The following MRS2 variants were observed in gnomAD, a reference collection of about 807,000 sequenced individuals.
MRS2 encodes magnesium transporter MRS2 homolog, mitochondrial.
In MRS2, 40 loss-of-function variants were observed where a neutral mutation model predicts 52.6. The ratio of observed to expected loss-of-function variants is 0.76; its 90% CI spans 0.59 to 0.99. The LOEUF (loss-of-function observed/expected upper bound fraction) is 0.99. MRS2 is among the 50% of genes least tolerant of loss of function. The pLI is 0.00. For missense variants in MRS2, 472 were observed against 532.7 expected, an observed-to-expected ratio of 0.89 and a Z score of 1.12; for synonymous variants, 193 against 195.9, an observed-to-expected ratio of 0.98 and a Z score of 0.13.
intron 2 of MRS2, among the ~76,000 whole-genome samples, chr6:24,406,926 C>A (rs114152274): frequency 9.6e-4 from 146 of 152,052 alleles, no homozygotes; most frequent in African/African-American, 3.4e-3. Flanking sequence ...AGAAAGTGAG[C>A]TGGTTACAAA....
chr6:24,418,252 A>G lies in MRS2; in HGVS notation c.989+16A>G, dbSNP rs756723720. On this transcript the variant is annotated intron_variant, in intron 8 of 10. Coordinates refer to ENST00000378386, the MANE Select transcript of MRS2 (RefSeq NM_020662.4). ...ATCTGGACAGGTAAGAAAGCATTATATAAAACTAAGTTTTTTTAATAAAAT... is the reference window on the plus strand; with the variant it reads ...ATCTGGACAGGTAAGAAAGCATTATGTAAAACTAAGTTTTTTTAATAAAAT... 6.4e-7 allele frequency: 1 copy of G among 1,551,762 alleles called. No individual in the cohort carries two copies. Among genetic ancestry groups the G allele is most frequent in the South Asian group, 1.2e-5 (1 of 80,304 alleles).
intron 4 of MRS2, chr6:24,410,677 A>G: frequency 7.3e-7 from 1 of 1,370,830 alleles, no homozygotes; most frequent in African/African-American, 1.5e-5. Flanking sequence ...AGTAAATAAA[A>G]AATACTTTAT....
At chr6:24,413,797 C>T (rs1190080419) in intron 5 of MRS2, among the ~76,000 whole-genome samples, 3 of 152,206 alleles carry the variant, frequency 2.0e-5, no homozygotes, top group Non-Finnish European at 4.4e-5. Flanking sequence ...CTGTAATTTA[C>T]GTCATCAGTT....
intron 7 of MRS2, among the ~76,000 whole-genome samples, chr6:24,417,238 T>C (rs956315277): frequency 6.6e-6 from 1 of 152,248 alleles, no homozygotes; most frequent in African/African-American, 2.4e-5. Context: ...TCTGTCAATC[T>C]GTCTCTAATA....
intron 2 of MRS2, among the ~76,000 whole-genome samples, chr6:24,406,121 A>T (rs984079232): frequency 3.4e-5 from 5 of 148,454 alleles, no homozygotes; most frequent in Admixed American, 2.0e-4. Context: ...AAAAAAAAAA[A>T]GGTGTGCCTA....
At chr6:24,419,841 C>T (rs1409835222) in intron 9 of MRS2, among the ~76,000 whole-genome samples, 1 of 152,152 alleles carries the variant, frequency 6.6e-6, no homozygotes, top group Non-Finnish European at 1.5e-5. Flanking sequence ...CCTTGCATAT[C>T]TGCAGATACA....
At chr6:24,412,512 A>C in intron 5 of MRS2, 117 bp downstream of exon 5, 1 of 695,660 alleles carries the variant, frequency 1.4e-6, no homozygotes, top group Non-Finnish European at 2.3e-6. Flanking sequence ...TCCTGCCCCG[A>C]AACAAGTCGT....
At chr6:24,403,391 C>T (rs777323163) in intron 1 of MRS2, among the ~76,000 whole-genome samples, 155 bp downstream of exon 1, 1 of 152,186 alleles carries the variant, frequency 6.6e-6, no homozygotes, top group Admixed American at 6.5e-5. Flanking sequence ...GCCCGCGGGC[C>T]GAGCTGCGTC....
chr6:24,402,966 G>A lies in MRS2; in HGVS notation c.-81G>A. On this transcript the variant is annotated 5_prime_UTR_variant, in exon 1 of 11. Coordinates refer to ENST00000378386, the MANE Select transcript of MRS2 (RefSeq NM_020662.4). ...GTCTGCAGGTCGGGCGGTAGCGACAGGTCAGAGCTGCGGCCTGAGCAGCCA... is the reference window on the plus strand; with the variant it reads ...GTCTGCAGGTCGGGCGGTAGCGACAAGTCAGAGCTGCGGCCTGAGCAGCCA... 7.4e-7 allele frequency: 1 copy of A among 1,356,728 alleles called. No homozygotes were observed. The highest frequency in any genetic ancestry group is 1.4e-5 in the South Asian group (1 of 70,722). 84.0% of individuals were successfully genotyped at this position (1,356,728 alleles called of 1,614,324 possible). A position where few individuals can be genotyped will look rare whatever the true frequency, so the allele number is the denominator to read the frequency against.
intron 9 of MRS2, among the ~76,000 whole-genome samples, chr6:24,422,481 C>T (rs1009204085): frequency 1.3e-5 from 2 of 152,076 alleles, no homozygotes; most frequent in African/African-American, 4.8e-5. Flanking sequence ...TTCACAGTAT[C>T]GGAAGACAAA....
intron 3 of MRS2, among the ~76,000 whole-genome samples, chr6:24,408,853 G>C (rs990510751): frequency 4.6e-5 from 7 of 152,110 alleles, no homozygotes; most frequent in African/African-American, 1.7e-4. Flanking sequence ...GGTGACAAAA[G>C]ATGAACAGGG....
intron 7 of MRS2, among the ~76,000 whole-genome samples, 187 bp downstream of exon 7, chr6:24,416,700 T>C (rs1166138470): frequency 6.6e-6 from 1 of 152,208 alleles, no homozygotes; most frequent in Non-Finnish European, 1.5e-5. Context: ...TCTATGAGTA[T>C]GCATACTGCA....
At chr6:24,419,416 C>G (rs376602538) in intron 9 of MRS2, among the ~76,000 whole-genome samples, 1 of 152,132 alleles carries the variant, frequency 6.6e-6, no homozygotes, top group Admixed American at 6.5e-5. Flanking sequence ...TGTGATAAAA[C>G]AGTGTCTCTG....
At chr6:24,406,437 C>G (rs1387157282) in intron 2 of MRS2, among the ~76,000 whole-genome samples, 1 of 152,106 alleles carries the variant, frequency 6.6e-6, no homozygotes, top group East Asian at 1.9e-4. Flanking sequence ...AAAGTTACCA[C>G]TGTTATTCAT....
chr6:24,416,733 G>C (rs970251444), intron 7 of MRS2, among the ~76,000 whole-genome samples: 3 of 152,132 alleles, frequency 2.0e-5, no homozygotes, highest in African/African-American at 7.2e-5. Context: ...CTGACATGTG[G>C]TGAATATAAA....
At chr6:24,405,323 A>G in intron 2 of MRS2, 82 bp downstream of exon 2, 1 of 1,023,680 alleles carries the variant, frequency 9.8e-7, no homozygotes, top group East Asian at 2.4e-5. Context: ...TGGCCAAGAT[A>G]CTACTTATTT....
chr6:24,422,209 G>A (rs993978965), intron 9 of MRS2, among the ~76,000 whole-genome samples: 7 of 152,208 alleles, frequency 4.6e-5, no homozygotes, highest in African/African-American at 1.4e-4. Flanking sequence ...TTCCATCAGT[G>A]ATAGCTGATC....
chr6:24,403,025 G>T lies in MRS2; in HGVS notation c.-22G>T, dbSNP rs182607454. On this transcript the variant is annotated 5_prime_UTR_variant, in exon 1 of 11. Transcript: ENST00000378386. ...CATGAAGGTCTGGGGTCTGGCTGCT[G>T]CCTGCTTCTTGCTCCAGCACCATGG... is the stretch of plus-strand genomic sequence containing the variant. 216 of 1,566,314 alleles carry T rather than the reference G, an allele frequency of 1.4e-4. 1 individual carries two copies. The East Asian group carries it at 4.1e-3, about 30-fold the overall frequency.
chr6:24,415,021 G>A lies in MRS2; in HGVS notation c.589-12G>A. 1 of 1,582,290 alleles carries A rather than the reference G, an allele frequency of 6.3e-7. No homozygotes were observed. The highest frequency in any genetic ancestry group is 1.2e-5 in the South Asian group (1 of 86,866). On this transcript the variant is annotated splice_polypyrimidine_tract_variant and intron_variant, in intron 5 of 10. Coordinates refer to ENST00000378386, the MANE Select transcript of MRS2 (RefSeq NM_020662.4). ...TGTTTTAATTCTTATGAAAGGTCAT[G>A]TTGTTATCTAGATCAACACCCTTCA...
Sources: gnomAD v4.1 joint callset for allele counts (sites outside exome capture counted in the v4.1 genomes callset) on GRCh38, gnomAD v4.1.1 for gene constraint, MANE v1.5 for transcripts, NCBI Gene and HGNC (gene_info 2026-07-23, HGNC 2026-07-21) for gene names.